POLR3B: variants seen among roughly 807,000 people sequenced by gnomAD.
POLR3B encodes the protein RNA polymerase III subunit B.
POLR3B carries 96 observed loss-of-function variants against 147.4 expected under a neutral mutation model. That is an observed-to-expected ratio of 0.65 (90% CI 0.55 to 0.77). The LOEUF is 0.77. Among genes scored for constraint, POLR3B ranks in the 30% least tolerant of loss-of-function variants. The pLI is 0.00. For synonymous variants in POLR3B, 461 were observed against 485.9 expected (o/e 0.95, Z 0.67); for missense variants, 1,036 against 1,413.5 (o/e 0.73, Z 4.28).
chr12:106,463,454 T>A (rs761390065), intron 22 of POLR3B, 24 bp from the exon 23 acceptor site: 1 of 1,610,968 alleles, frequency 6.2e-7, no homozygotes, highest in East Asian at 2.2e-5. Flanking sequence ...AAACTCTGTT[T>A]TAGTGACTTT....
chr12:106,389,207 A>G (rs2036881872), intron 9 of POLR3B, among the ~76,000 whole-genome samples: 2 of 152,246 alleles, frequency 1.3e-5, no homozygotes, highest in Non-Finnish European at 2.9e-5. Context: ...CTAAATAGTC[A>G]TAAAGTCAGT....
intron 2 of POLR3B, among the ~76,000 whole-genome samples, chr12:106,365,986 C>G (rs1204846400): frequency 6.6e-6 from 1 of 152,080 alleles, no homozygotes; most frequent in African/African-American, 2.4e-5. Context: ...TCTTCATGGA[C>G]AGTAACACAC....
Position 106,432,276 on chromosome 12 carries a change from A to G in POLR3B, c.1465-42A>G, listed in dbSNP as rs1248970503. 1.9e-6 allele frequency: 3 copies of G among 1,571,706 alleles called. No homozygotes were observed. The Middle Eastern group carries it at 5.0e-4, about 263-fold the overall frequency. ...TCAGATGTAAACTGTACTTTGTATT[A>G]CTAATGTTCATTCTTAGAAATGACC... is the stretch of plus-strand genomic sequence containing the variant. On this transcript the variant is annotated intron_variant, in intron 14 of 27. Coordinates refer to ENST00000228347, the MANE Select transcript of POLR3B (RefSeq NM_018082.6).
chr12:106,394,273 A>G (rs977448974), intron 10 of POLR3B, among the ~76,000 whole-genome samples: 12 of 152,186 alleles, frequency 7.9e-5, no homozygotes, highest in African/African-American at 2.9e-4. Context: ...AGTTGACTGC[A>G]GTTACAGGGC....
At position 106,504,332 on chromosome 12, in the gene POLR3B, A is replaced by T. The variant is rs2038651514; in HGVS notation, c.3272+78A>T. 1 of 1,159,616 alleles carries T rather than the reference A, an allele frequency of 8.6e-7. No individual in the cohort carries two copies. Among genetic ancestry groups the T allele is most frequent in the South Asian group, 1.2e-5 (1 of 81,778 alleles). 71.8% of individuals were successfully genotyped at this position (1,159,616 alleles called of 1,614,324 possible). On this transcript the variant is annotated intron_variant, in intron 27 of 27. Transcript: ENST00000228347. This position sits in a 1 kb window ranked among gnomAD's most constrained non-coding sequence, Gnocchi z 4.6. ...AGCTCAAGAATTGACCCTGGATCCTATCCGCATATTCTCCAGCCTCTGTCT... is the reference window on the plus strand; with the variant it reads ...AGCTCAAGAATTGACCCTGGATCCTTTCCGCATATTCTCCAGCCTCTGTCT...
In POLR3B at chr12:106,393,088, G is replaced by C. The variant is rs201440861; in HGVS notation, c.781G>C (p.Val261Leu). The C allele has an allele frequency of 8.1e-6, 13 of 1,614,208 alleles. No homozygotes were observed. The highest frequency in any genetic ancestry group is 1.1e-5 in the South Asian group (1 of 91,084). Residue 261 changes from valine to leucine, a missense_variant, in exon 10 of 28, where the codon GTG (valine) becomes CTG (leucine). Physicochemically the swap from Val to Leu is conservative, Grantham distance 32. Coordinates refer to ENST00000228347, the MANE Select transcript of POLR3B (RefSeq NM_018082.6). ...IVQMIGTEEH[V>L]MAAFGPSLEE... ...GCAGATGATTGGAACAGAGGAGCAC[G>C]TGATGGCTGCATTTGGGCCCAGTCT...
chr12:106,482,121 T>A (rs2038275768), intron 23 of POLR3B, among the ~76,000 whole-genome samples: 1 of 152,264 alleles, frequency 6.6e-6, no homozygotes, highest in Non-Finnish European at 1.5e-5. Flanking sequence ...ATCATTGTTG[T>A]AACTAAGGTC....
intron 11 of POLR3B, chr12:106,410,607 C>A: frequency 5.3e-6 from 3 of 562,882 alleles, no homozygotes; most frequent in Admixed American, 6.0e-5. Flanking sequence ...ATGTAGTCAT[C>A]TTTGACACAG....
intron 25 of POLR3B, among the ~76,000 whole-genome samples, chr12:106,498,305 C>CG (rs1374160235): frequency 6.6e-6 from 1 of 152,166 alleles, no homozygotes; most frequent in Non-Finnish European, 1.5e-5. Flanking sequence ...GAGGCAGTAC[C>CG]GGCAGCCCGA....
At chr12:106,376,280 A>G in intron 6 of POLR3B, 79 bp from the exon 7 acceptor site, 2 of 896,288 alleles carry the variant, frequency 2.2e-6, no homozygotes, top group East Asian at 2.4e-5. Context: ...GGTGGTGTGC[A>G]CTGCATGTTT....
Position 106,437,064 on chromosome 12 carries a change from A to G in POLR3B, c.1789A>G (p.Ile597Val), listed in dbSNP as rs147324507. The change falls in exon 17 of 28, where the codon ATA becomes GTA. Residue 597 changes from isoleucine (I) to valine (V), a missense_variant. This residue lies in a region of POLR3B where 177 missense variants were observed against 232.7 expected (regional missense o/e 0.76). Coordinates refer to ENST00000228347, the MANE Select transcript of POLR3B (RefSeq NM_018082.6). ...TTGCTGTTTCCATTCTAGACCCTAC[A>G]TAATTGTCAAGAAACAGAAGCCAGC... ...SDGGRLCRPYIIVKKQKPAVT... is the reference protein window; with the variant it reads ...SDGGRLCRPYVIVKKQKPAVT... The G allele has an allele frequency of 3.1e-6, 5 of 1,612,920 alleles. No homozygotes were observed. The highest frequency in any genetic ancestry group is 2.2e-5 in the South Asian group (2 of 90,986).
In POLR3B at chr12:106,416,231, T is replaced by C. The variant is rs11112982; in HGVS notation, c.1101+5271T>C. Reference sequence around the variant, plus strand: ...TTAAGGGGGAATTTAATCAGTTAAATGTGTCTGTTGCTGCAGAAATTGACA... The same window carrying C: ...TTAAGGGGGAATTTAATCAGTTAAACGTGTCTGTTGCTGCAGAAATTGACA... On this transcript the variant is annotated intron_variant, in intron 12 of 27. Coordinates refer to ENST00000228347, the MANE Select transcript of POLR3B (RefSeq NM_018082.6). 9.4e-3 allele frequency among the ~76,000 whole-genome samples: 1,430 copies of C among 152,342 alleles called. 151 individuals are homozygous for C. In the East Asian group the frequency reaches 0.23, roughly 25 times the overall value.
intron 19 of POLR3B, among the ~76,000 whole-genome samples, chr12:106,452,465 G>A (rs1356040982): frequency 1.3e-5 from 2 of 152,164 alleles, no homozygotes; most frequent in Non-Finnish European, 2.9e-5. Flanking sequence ...TAGAGGTGCA[G>A]CCATTTATGC....
intron 10 of POLR3B, among the ~76,000 whole-genome samples, chr12:106,398,093 G>C (rs1273699570): frequency 2.0e-5 from 3 of 152,202 alleles, no homozygotes; most frequent in Non-Finnish European, 4.4e-5. Flanking sequence ...TCAAAGAAAG[G>C]GGTGACAGAC....
chr12:106,385,761 C>T (rs182120218), intron 9 of POLR3B, among the ~76,000 whole-genome samples: 6 of 152,202 alleles, frequency 3.9e-5, no homozygotes, highest in Admixed American at 6.5e-5. Context: ...GTTCTAAATG[C>T]AATTGTGTGA....
At chr12:106,483,297 G>T (rs369631470) in intron 23 of POLR3B, among the ~76,000 whole-genome samples, 1 of 152,102 alleles carries the variant, frequency 6.6e-6, no homozygotes, top group African/African-American at 2.4e-5. Flanking sequence ...GCCCACCCAC[G>T]TCCATCCCAG....
intron 11 of POLR3B, among the ~76,000 whole-genome samples, chr12:106,409,350 T>G (rs1195425222): frequency 7.1e-6 from 1 of 141,574 alleles, no homozygotes; most frequent in Non-Finnish European, 1.5e-5. Flanking sequence ...AAGAGGGTTT[T>G]TTTTGTTTTT....
intron 10 of POLR3B, among the ~76,000 whole-genome samples, chr12:106,402,047 G>A (rs1432782789): frequency 6.6e-6 from 1 of 152,044 alleles, no homozygotes; most frequent in Non-Finnish European, 1.5e-5. Context: ...TGACATGATT[G>A]TATATCTAGA....
rs886048897 is a variant in POLR3B, at chr12:106,380,101, A to T, written c.685A>T (p.Thr229Ser). Residue 229 changes from threonine (T) to serine (S), a missense_variant, in exon 9 of 28, where the codon ACT (threonine) becomes TCT (serine). Physicochemically the swap from Thr to Ser is moderately conservative, Grantham distance 58. Transcript: ENST00000228347. Reference protein sequence around the residue: ...KQGRFYLRHNTLSEDIPIVII... With the variant: ...KQGRFYLRHNSLSEDIPIVII... ...AGGACGATTTTATTTGAGGCATAATACTTTGTCAGAAGATATACCCATTGT... is the reference window on the plus strand; with the variant it reads ...AGGACGATTTTATTTGAGGCATAATTCTTTGTCAGAAGATATACCCATTGT... 2 of 1,611,484 alleles carry T rather than the reference A, an allele frequency of 1.2e-6. No homozygotes were observed. The highest frequency in any genetic ancestry group is 8.5e-7 in the Non-Finnish European group (1 of 1,177,822).
Sources: allele counts gnomAD v4.1 joint callset (sites outside exome capture counted in the v4.1 genomes callset), GRCh38; gene constraint gnomAD v4.1.1; regional missense constraint gnomAD v4.1.1; non-coding constraint Gnocchi (gnomAD v3.1); transcripts MANE v1.5; gene names NCBI Gene and HGNC (gene_info 2026-07-23, HGNC 2026-07-21).